The following MAPK6 variants were observed in gnomAD, a reference collection of about 807,000 sequenced individuals.
MAPK6 encodes the protein mitogen-activated protein kinase 6, also known as ERK-3.
MAPK6 carries 19 observed loss-of-function variants against 59.3 expected under a neutral mutation model. The ratio of observed to expected loss-of-function variants is 0.32; its 90% CI spans 0.22 to 0.47. The LOEUF is 0.47. MAPK6 is among the 20% of genes least tolerant of loss of function. The pLI is 1.00. For missense variants in MAPK6, 724 were observed against 847.9 expected (o/e 0.85, Z 1.81); for synonymous variants, 316 against 290.3 (o/e 1.09, Z -0.90).
In MAPK6 at chr15:52,019,292, CT is replaced by C. The variant is rs1246687722; in HGVS notation, c.-715del. ...CAAAGCGAGAGCCTCGGAGACGCCGCTGCCGCCAGCACAGCCGGAGACCTGA... is the reference window on the plus strand; with the variant it reads ...CAAAGCGAGAGCCTCGGAGACGCCGCGCCGCCAGCACAGCCGGAGACCTGA... On this transcript the variant is annotated 5_prime_UTR_variant, in exon 1 of 6. An upstream open reading frame in the 5' UTR gains an earlier in-frame stop. Transcript: ENST00000261845. 6.6e-6 allele frequency: 1 copy of C among 152,124 alleles called. No homozygotes were observed. Among genetic ancestry groups the C allele is most frequent in the Admixed American group, 6.5e-5 (1 of 15,270 alleles). 9.4% of individuals were successfully genotyped at this position (152,124 alleles called of 1,614,324 possible).
At chr15:51,986,242 C>G (rs1158282917) in intron 2 of MAPK6, among the ~76,000 whole-genome samples, 1 of 152,088 alleles carries the variant, frequency 6.6e-6, no homozygotes, top group East Asian at 1.9e-4. Flanking sequence ...GAAGAAAATC[C>G]ACTCCCATGA....
At chr15:51,975,271 G>A (rs535763762) in intron 1 of MAPK6, among the ~76,000 whole-genome samples, 5 of 151,850 alleles carry the variant, frequency 3.3e-5, no homozygotes, top group East Asian at 1.9e-4. Flanking sequence ...GGCCGGGCGC[G>A]GTGGCTCACG....
intron 1 of MAPK6, among the ~76,000 whole-genome samples, chr15:52,034,765 T>C (rs1291788406): frequency 6.6e-6 from 1 of 152,166 alleles, no homozygotes; most frequent in Non-Finnish European, 1.5e-5. Context: ...TGGTGTGATC[T>C]CAGCTCACTA....
intron 1 of MAPK6, among the ~76,000 whole-genome samples, chr15:52,032,913 G>T (rs183344626): frequency 6.6e-6 from 1 of 151,864 alleles, no homozygotes; most frequent in East Asian, 2.0e-4. Flanking sequence ...TCAAACTCCT[G>T]ACTTCAGGTG....
intron 2 of MAPK6, among the ~76,000 whole-genome samples, chr15:51,983,533 G>A (rs1367214555): frequency 6.6e-6 from 1 of 151,674 alleles, no homozygotes; most frequent in East Asian, 1.9e-4. Context: ...CAACAGGGCT[G>A]ATGTGGTGGC....
upstream of MAPK6, among the ~76,000 whole-genome samples, chr15:52,015,556 C>A (rs1332032466): frequency 4.0e-5 from 6 of 151,022 alleles, no homozygotes; most frequent in African/African-American, 1.2e-4. Flanking sequence ...CGGCTCACTG[C>A]AGCCTCCGCC....
rs567139617 is a variant in MAPK6 at position 51,977,046 on chromosome 15, C to T, written c.-880+5140C>T. The stretch of plus-strand genomic sequence containing the variant: ...GGGGATGGAGTCTCTCTCTGTTGCC[C>T]AGGCTGGAGTGCAGTGGTACGATCT... On this transcript the variant is annotated intron_variant, in intron 1 of 7. Transcript: ENST00000691380. 8.6e-5 allele frequency among the ~76,000 whole-genome samples: 13 copies of T among 151,560 alleles called. 1 individual carries two copies. In the East Asian group the frequency reaches 2.5e-3, roughly 29 times the overall value.
At chr15:52,015,573 G>C (rs2030210399), upstream of MAPK6, among the ~76,000 whole-genome samples, 1 of 148,044 alleles carries the variant, frequency 6.8e-6, no homozygotes, top group African/African-American at 2.5e-5. Flanking sequence ...CGCCTCCCGG[G>C]TTCAAGCAAT....
rs11295636 is a variant in MAPK6, at chr15:52,030,611, C to CTTTTTTTTTTTTTTTTT, written c.-632+11249_-632+11265dup. On this transcript the variant is annotated intron_variant, in intron 1 of 5. Transcript: ENST00000261845. ...TGTGTTTTAGTTATGCAGAAGAAGG[C>CTTTTTTTTTTTTTTTTT]TTTTTTTTTTTTTTTTTTTTTTTTT... 2.8e-4 allele frequency among the ~76,000 whole-genome samples: 10 copies of CTTTTTTTTTTTTTTTTT among 35,742 alleles called. 2 individuals are homozygous for CTTTTTTTTTTTTTTTTT. The highest frequency in any genetic ancestry group is 1.0e-3 in the African/African-American group (9 of 8,778). 23.4% of individuals were successfully genotyped at this position (35,742 alleles called of 152,430 possible).
At chr15:52,060,202 G>A (rs1384826200) in intron 4 of MAPK6, among the ~76,000 whole-genome samples, 2 of 152,152 alleles carry the variant, frequency 1.3e-5, no homozygotes, top group East Asian at 1.9e-4. Context: ...TCATGCTATT[G>A]CACTCCAGCC....
chr15:52,025,364 A>G (rs1325596184), intron 1 of MAPK6, among the ~76,000 whole-genome samples: 1 of 152,228 alleles, frequency 6.6e-6, no homozygotes. Flanking sequence ...TTGGAAGCTA[A>G]TCACTGCCCA....
At chr15:51,978,922 A>G (rs1478360173) in intron 1 of MAPK6, among the ~76,000 whole-genome samples, 1 of 151,554 alleles carries the variant, frequency 6.6e-6, no homozygotes, top group Non-Finnish European at 1.5e-5. Context: ...GGAGTTCAAG[A>G]CCAGCCTGGG....
At chr15:52,004,845 A>C (rs2057253177) in intron 3 of MAPK6, among the ~76,000 whole-genome samples, 1 of 152,178 alleles carries the variant, frequency 6.6e-6, no homozygotes. Context: ...TTAAGTTGCC[A>C]ACATACGCTT....
intron 2 of MAPK6, among the ~76,000 whole-genome samples, chr15:51,996,261 A>G (rs1257502959): frequency 6.6e-6 from 1 of 152,164 alleles, no homozygotes; most frequent in Admixed American, 6.5e-5. Context: ...TACCCCCGCC[A>G]AGATTGTTGG....
At chr15:51,997,923 C>T (rs2470596) in intron 2 of MAPK6, among the ~76,000 whole-genome samples, 2,283 of 131,232 alleles carry the variant, frequency 0.017, 82 homozygotes, top group African/African-American at 0.085. Flanking sequence ...TTCTTTCTTT[C>T]TCTTTCTTTC....
At chr15:52,061,212 G>A (rs1037891223) in intron 4 of MAPK6, 87 bp from the exon 5 acceptor site, 1 of 971,266 alleles carries the variant, frequency 1.0e-6, no homozygotes, top group Admixed American at 1.8e-5. Context: ...CACTTAGCTA[G>A]TCATTGAAAT....
rs1175038700 is a variant in MAPK6, at chr15:51,974,524, T to A, written c.-880+2618T>A. On this transcript the variant is annotated intron_variant, in intron 1 of 7. Transcript: ENST00000691380. The stretch of plus-strand genomic sequence containing the variant: ...TTAAAAAAAAGTTAGCAGGGCATGG[T>A]GACGGGCACCTGTAGTCCCAGCTAC... Among the ~76,000 whole-genome samples, 3 of 150,274 alleles carry A rather than the reference T, an allele frequency of 2.0e-5. No homozygotes were observed. In the East Asian group the frequency reaches 6.0e-4, roughly 30 times the overall value.
In MAPK6 at chr15:52,064,944, T is replaced by A; in HGVS notation, c.2110T>A (p.Ser704Thr). 1.9e-6 allele frequency: 3 copies of A among 1,611,758 alleles called. No homozygotes were observed. The highest frequency in any genetic ancestry group is 1.7e-6 in the Non-Finnish European group (2 of 1,179,658). ...QATLTPSAMK[S>T]SPQIPHQTYS... ...CACATTAACACCTTCTGCTATGAAATCTTCCCCTCAAATTCCTCATCAAAC... is the reference window on the plus strand; with the variant it reads ...CACATTAACACCTTCTGCTATGAAAACTTCCCCTCAAATTCCTCATCAAAC... Residue 704 changes from serine (S) to threonine (T), a missense_variant, in exon 6 of 6, where the codon TCT becomes ACT. Ser to Thr is a moderately conservative substitution (Grantham distance 58). Coordinates refer to ENST00000261845, the MANE Select transcript of MAPK6 (RefSeq NM_002748.4).
At chr15:52,054,838 C>T (rs1257925334) in intron 3 of MAPK6, among the ~76,000 whole-genome samples, 5 of 151,986 alleles carry the variant, frequency 3.3e-5, no homozygotes, top group East Asian at 3.9e-4. Context: ...AGCCAACAAT[C>T]GTACAATGGT....
Sources: allele counts gnomAD v4.1 joint callset (sites outside exome capture counted in the v4.1 genomes callset), GRCh38; gene constraint gnomAD v4.1.1; transcripts MANE v1.5; gene names NCBI Gene and HGNC (gene_info 2026-07-23, HGNC 2026-07-21).